The following RGS7 variants were observed in gnomAD, a reference collection of about 807,000 sequenced individuals.
The protein encoded by RGS7 is regulator of G protein signaling 7.
A neutral mutation model predicts 81.1 loss-of-function variants in RGS7; 27 were observed. The observed-to-expected ratio is 0.33, with a 90% CI of 0.25 to 0.46. The LOEUF is 0.46. Ranked by LOEUF, RGS7 falls within the 20% of genes least tolerant of loss-of-function variation. The probability of loss-of-function intolerance (pLI) is 1.00; values close to 1 mark genes in which losing one functional copy is unlikely to be tolerated. For synonymous variants in RGS7, 208 were observed against 207.7 expected, an observed-to-expected ratio of 1.00 and a Z score of -0.01; for missense variants, 396 against 607.4, an observed-to-expected ratio of 0.65 and a Z score of 3.66.
chr1:241,045,323 C>G (rs2060860541), intron 3 of RGS7, among the ~76,000 whole-genome samples: 1 of 152,082 alleles, frequency 6.6e-6, no homozygotes, highest in South Asian at 2.1e-4. Context: ...TTAACATAGG[C>G]AAGATATTTT....
At chr1:241,046,160 A>T (rs1212628485) in intron 3 of RGS7, among the ~76,000 whole-genome samples, 1 of 151,994 alleles carries the variant, frequency 6.6e-6, no homozygotes, top group African/African-American at 2.4e-5. Flanking sequence ...TTTTTCAAAA[A>T]ATTTCAACTT....
chr1:241,102,906 A>C (rs1454661647), intron 2 of RGS7, among the ~76,000 whole-genome samples: 1 of 151,214 alleles, frequency 6.6e-6, no homozygotes, highest in Non-Finnish European at 1.5e-5. Flanking sequence ...ATTCACTCAG[A>C]GTCTATTAAT....
At chr1:241,230,980 CATG>C (rs755016798) in intron 2 of RGS7, among the ~76,000 whole-genome samples, 32 of 152,212 alleles carry the variant, frequency 2.1e-4, no homozygotes, top group Non-Finnish European at 1.5e-4. Context: ...TACCTCTGAT[CATG>C]ATAACTCTTT....
intron 2 of RGS7, among the ~76,000 whole-genome samples, chr1:241,157,717 T>G (rs185017341): frequency 6.6e-6 from 1 of 152,140 alleles, no homozygotes; most frequent in East Asian, 1.9e-4. Context: ...TTTCAGTGGT[T>G]GAAAAAAATA....
intron 2 of RGS7, among the ~76,000 whole-genome samples, chr1:241,292,598 G>A (rs542490176): frequency 3.3e-5 from 5 of 152,284 alleles, no homozygotes; most frequent in Admixed American, 1.3e-4. Context: ...TCCAACAGAA[G>A]AGTACAGAAC....
chr1:241,240,257 AGG>A (rs2076198292), intron 2 of RGS7, among the ~76,000 whole-genome samples: 1 of 152,178 alleles, frequency 6.6e-6, no homozygotes, highest in Admixed American at 6.5e-5. Context: ...GTGGGCACCC[AGG>A]CAGAATGAGA....
intron 18 of RGS7, among the ~76,000 whole-genome samples, chr1:240,789,948 G>A (rs576853545): frequency 3.9e-5 from 6 of 152,182 alleles, no homozygotes; most frequent in Non-Finnish European, 5.9e-5. Context: ...GGGGCATCAC[G>A]GAACCTGCCG....
At chr1:241,265,858 A>G (rs1384095701) in intron 2 of RGS7, among the ~76,000 whole-genome samples, 28 of 139,384 alleles carry the variant, frequency 2.0e-4, no homozygotes, top group Admixed American at 4.7e-4. Flanking sequence ...GCAACGGCGC[A>G]ATCTCGGCTC....
intron 2 of RGS7, among the ~76,000 whole-genome samples, chr1:241,107,344 T>C (rs1164121369): frequency 6.6e-6 from 1 of 152,230 alleles, no homozygotes; most frequent in Non-Finnish European, 1.5e-5. Flanking sequence ...TGTGACTATA[T>C]GGCCTGAGCA....
intron 2 of RGS7, among the ~76,000 whole-genome samples, chr1:241,117,111 G>A (rs1230095924): frequency 6.6e-6 from 1 of 152,082 alleles, no homozygotes; most frequent in East Asian, 1.9e-4. Flanking sequence ...AAAAAACACG[G>A]CAAAAATGCA....
At chr1:240,920,836 T>C (rs1295450446) in intron 6 of RGS7, among the ~76,000 whole-genome samples, 1 of 152,186 alleles carries the variant, frequency 6.6e-6, no homozygotes, top group Non-Finnish European at 1.5e-5. Context: ...CTGTGGAAAG[T>C]GTAAAGCATT....
chr1:241,087,991 TATATACACACACACAC>T (rs1558697932), intron 3 of RGS7, among the ~76,000 whole-genome samples: 2 of 105,710 alleles, frequency 1.9e-5, no homozygotes, highest in Non-Finnish European at 2.0e-5. Flanking sequence ...TATATATATA[TATATACACACACACAC>T]ATATATATAT....
In RGS7 at chr1:241,118,321, T is replaced by C. The variant is rs146760688; in HGVS notation, c.79-19559A>G. ...CACAGTCCTCCTCTGGCAACCATCT[T>C]ATCTCATTTTATTTAATGCCAAACC... On this transcript the variant is annotated intron_variant, in intron 2 of 18. Coordinates refer to ENST00000440928, the MANE Select transcript of RGS7 (RefSeq NM_001364886.1). Among the ~76,000 whole-genome samples the C allele has an allele frequency of 2.4e-3, 372 of 152,322 alleles. 2 individuals are homozygous for C. Among genetic ancestry groups the C allele is most frequent in the African/African-American group, 8.6e-3 (358 of 41,576 alleles).
At chr1:241,274,352 C>T (rs1462410908) in intron 2 of RGS7, among the ~76,000 whole-genome samples, 3 of 152,138 alleles carry the variant, frequency 2.0e-5, no homozygotes, top group Admixed American at 1.3e-4. Context: ...TAACCAGACA[C>T]CTAACTGGTA....
intron 9 of RGS7, among the ~76,000 whole-genome samples, chr1:240,862,158 T>A (rs963170805): frequency 1.3e-5 from 2 of 152,154 alleles, no homozygotes; most frequent in Non-Finnish European, 2.9e-5. Flanking sequence ...AATTTTTTTT[T>A]CTGGAGTAAA....
intron 6 of RGS7, 100 bp downstream of exon 6, chr1:240,930,617 G>T: frequency 8.9e-7 from 1 of 1,120,418 alleles, no homozygotes; most frequent in Non-Finnish European, 1.4e-6. Flanking sequence ...CCTGAGAACT[G>T]TGGTTTCCTT....
chr1:240,950,944 T>C (rs1679452435), intron 4 of RGS7, among the ~76,000 whole-genome samples: 1 of 151,282 alleles, frequency 6.6e-6, no homozygotes, highest in Non-Finnish European at 1.5e-5. Flanking sequence ...TTTTTTGAGA[T>C]GGGAGTTTCA....
chr1:240,783,445 A>C (rs2102977333), intron 18 of RGS7, among the ~76,000 whole-genome samples: 1 of 151,312 alleles, frequency 6.6e-6, no homozygotes, highest in East Asian at 2.0e-4. Context: ...AACATGGCAA[A>C]ACCCCATCTC....
chr1:241,095,749 T>C (rs1408662537), intron 3 of RGS7, among the ~76,000 whole-genome samples: 1 of 152,238 alleles, frequency 6.6e-6, no homozygotes, highest in Non-Finnish European at 1.5e-5. Context: ...ATATCCATTA[T>C]CTTAAATATT....
Sources: gnomAD v4.1 joint callset for allele counts (sites outside exome capture counted in the v4.1 genomes callset) on GRCh38, gnomAD v4.1.1 for gene constraint, MANE v1.5 for transcripts, NCBI Gene and HGNC (gene_info 2026-07-23, HGNC 2026-07-21) for gene names.